Variants in DLG2 observed in about 807,000 individuals in gnomAD.
DLG2 encodes the protein discs large MAGUK scaffold protein 2, also known as disks large homolog 2.
Under a neutral mutation model 132.5 loss-of-function variants are expected in DLG2, and 45 were observed. That is an observed-to-expected ratio of 0.34 (90% CI 0.27 to 0.44). The LOEUF is 0.44. Ranked by LOEUF, DLG2 falls within the 20% of genes least tolerant of loss-of-function variation. DLG2 has a pLI of 1.00. For synonymous variants in DLG2, 424 were observed against 419.6 expected (o/e 1.01, Z -0.13); for missense variants, 1,045 against 1,196.9 (o/e 0.87, Z 1.87).
At chr11:85,593,644 C>T (rs1479295105) in intron 3 of DLG2, among the ~76,000 whole-genome samples, 1 of 152,112 alleles carries the variant, frequency 6.6e-6, no homozygotes, top group African/African-American at 2.4e-5. Flanking sequence ...GCCTTCACAC[C>T]CACTATTTAA....
At chr11:83,774,684 G>A (rs1198619667) in intron 18 of DLG2, among the ~76,000 whole-genome samples, 1 of 152,158 alleles carries the variant, frequency 6.6e-6, no homozygotes, top group Non-Finnish European at 1.5e-5. Flanking sequence ...TAAGTATGGT[G>A]CAAAGGGCTG....
intron 14 of DLG2, among the ~76,000 whole-genome samples, chr11:83,945,280 A>G (rs1261920238): frequency 1.3e-5 from 2 of 152,194 alleles, no homozygotes; most frequent in African/African-American, 4.8e-5. Flanking sequence ...TCTCAAAAAT[A>G]AATAAATACA....
chr11:83,512,353 G>A (rs1159911961), intron 21 of DLG2, among the ~76,000 whole-genome samples: 1 of 152,080 alleles, frequency 6.6e-6, no homozygotes, highest in Non-Finnish European at 1.5e-5. Flanking sequence ...GGATTGTGAG[G>A]AACACCTTAG....
intron 5 of DLG2, among the ~76,000 whole-genome samples, chr11:85,130,266 T>C (rs563612575): frequency 1.3e-3 from 194 of 152,320 alleles, no homozygotes; most frequent in Middle Eastern, 6.8e-3. Context: ...TATACAATTA[T>C]ATTTTCTAGA....
intron 6 of DLG2, among the ~76,000 whole-genome samples, chr11:84,897,521 A>C (rs1227253919): frequency 2.0e-5 from 3 of 151,860 alleles, no homozygotes; most frequent in Non-Finnish European, 4.4e-5. Context: ...TCAACCATGA[A>C]TCTATCCTGG....
intron 6 of DLG2, among the ~76,000 whole-genome samples, chr11:84,789,529 C>T (rs1322803641): frequency 6.6e-6 from 1 of 151,882 alleles, no homozygotes; most frequent in Non-Finnish European, 1.5e-5. Flanking sequence ...AGTATCTATC[C>T]CCTCAAGCCT....
At chr11:84,642,979 AT>A (rs950386592) in intron 6 of DLG2, among the ~76,000 whole-genome samples, 1 of 152,050 alleles carries the variant, frequency 6.6e-6, no homozygotes, top group Admixed American at 6.6e-5. Context: ...CCTTACCAGT[AT>A]TTTTTTTCTT....
chr11:85,415,580 C>T (rs201675573), intron 3 of DLG2, among the ~76,000 whole-genome samples: 11 of 151,822 alleles, frequency 7.2e-5, no homozygotes, highest in East Asian at 5.8e-4. Context: ...TTTCTCATTG[C>T]GATTTTGATT....
chr11:83,777,207 CTTTTAG>C (rs1394803160), intron 18 of DLG2, among the ~76,000 whole-genome samples: 1 of 152,112 alleles, frequency 6.6e-6, no homozygotes, highest in African/African-American at 2.4e-5. Flanking sequence ...AAGTAAATTA[CTTTTAG>C]CAATGGGAAC....
chr11:85,613,759 C>T (rs949102939), intron 2 of DLG2, among the ~76,000 whole-genome samples: 1 of 152,204 alleles, frequency 6.6e-6, no homozygotes, highest in African/African-American at 2.4e-5. Context: ...CTGCCCGAGC[C>T]AGCAGCAGCA....
intron 3 of DLG2, among the ~76,000 whole-genome samples, chr11:85,395,607 C>T (rs1289928620): frequency 6.6e-6 from 1 of 152,212 alleles, no homozygotes; most frequent in Admixed American, 6.5e-5. Flanking sequence ...GATACCCTCC[C>T]ATGCCTGACT....
At chr11:84,836,774 T>C (rs560145942) in intron 6 of DLG2, among the ~76,000 whole-genome samples, 2 of 152,008 alleles carry the variant, frequency 1.3e-5, no homozygotes, top group South Asian at 4.1e-4. Flanking sequence ...TTTATTTTTG[T>C]TGTTAAAAAT....
intron 10 of DLG2, among the ~76,000 whole-genome samples, chr11:84,094,043 C>T (rs867681067): frequency 6.6e-6 from 1 of 151,124 alleles, no homozygotes; most frequent in East Asian, 2.0e-4. Context: ...CATATGTATA[C>T]ATGTGCCATG....
intron 4 of DLG2, among the ~76,000 whole-genome samples, chr11:85,160,407 G>C (rs1270700445): frequency 6.6e-6 from 1 of 152,204 alleles, no homozygotes; most frequent in Admixed American, 6.5e-5. Context: ...GAGGCTTCTA[G>C]GATTTTGGAG....
chr11:83,860,107 C>T (rs12420780), intron 16 of DLG2, among the ~76,000 whole-genome samples: 4,010 of 152,232 alleles, frequency 0.026, 129 homozygotes, highest in East Asian at 0.076. Flanking sequence ...ACAGTCCTCA[C>T]GGAAAACCTC....
At chr11:83,681,554 TCAA>T (rs1292464959) in intron 18 of DLG2, among the ~76,000 whole-genome samples, 2 of 152,110 alleles carry the variant, frequency 1.3e-5, no homozygotes, top group African/African-American at 4.8e-5. Flanking sequence ...TCCCACATCA[TCAA>T]CAGGCACGCC....
intron 3 of DLG2, among the ~76,000 whole-genome samples, chr11:85,503,675 T>A (rs1292576205): frequency 6.6e-6 from 1 of 152,058 alleles, no homozygotes; most frequent in Non-Finnish European, 1.5e-5. Context: ...CCCATGCCTG[T>A]AATCCCAACA....
intron 6 of DLG2, among the ~76,000 whole-genome samples, chr11:84,868,309 T>C (rs1444113494): frequency 6.6e-6 from 1 of 151,878 alleles, no homozygotes; most frequent in Non-Finnish European, 1.5e-5. Flanking sequence ...CCAAGAAATT[T>C]GCAGTAGTAA....
chr11:83,802,676 C>T (rs1408506230), intron 17 of DLG2, among the ~76,000 whole-genome samples: 1 of 151,698 alleles, frequency 6.6e-6, no homozygotes, highest in East Asian at 1.9e-4. Context: ...ACTATGCAGT[C>T]ATTAAAAGCA....
Sources: allele counts gnomAD v4.1 joint callset (sites outside exome capture counted in the v4.1 genomes callset), GRCh38; gene constraint gnomAD v4.1.1; transcripts MANE v1.5; gene names NCBI Gene and HGNC (gene_info 2026-07-23, HGNC 2026-07-21).